Variants in PPP1R9A observed in about 807,000 individuals in gnomAD.
The protein encoded by PPP1R9A is neurabin-1.
A neutral mutation model predicts 141.9 loss-of-function variants in PPP1R9A; 59 were observed. The ratio of observed to expected loss-of-function variants is 0.42; its 90% CI spans 0.34 to 0.52. The LOEUF (loss-of-function observed/expected upper bound fraction) is 0.52, where lower values mean the gene tolerates loss of function less well. Among genes scored for constraint, PPP1R9A ranks in the 20% least tolerant of loss-of-function variants. The pLI, the probability that PPP1R9A is intolerant of heterozygous loss-of-function variation, is 0.10. For synonymous variants in PPP1R9A, 500 were observed against 569.7 expected, an observed-to-expected ratio of 0.88 and a Z score of 1.74; for missense variants, 1,444 against 1,611.9, an observed-to-expected ratio of 0.90 and a Z score of 1.78.
At chr7:94,919,534 C>A (rs1792524559) in intron 2 of PPP1R9A, among the ~76,000 whole-genome samples, 2 of 152,014 alleles carry the variant, frequency 1.3e-5, no homozygotes, top group South Asian at 4.2e-4. Context: ...AATCCTGTTC[C>A]TTTTCTAATA....
intron 4 of PPP1R9A, among the ~76,000 whole-genome samples, chr7:95,157,263 C>T (rs574625701): frequency 6.6e-6 from 1 of 152,186 alleles, no homozygotes; most frequent in African/African-American, 2.4e-5. Flanking sequence ...CCCTCTCCCC[C>T]CCCAGAGTGC....
chr7:95,278,527 T>C (rs1345100276), intron 16 of PPP1R9A, among the ~76,000 whole-genome samples: 1 of 152,136 alleles, frequency 6.6e-6, no homozygotes, highest in African/African-American at 2.4e-5. Flanking sequence ...TAGGATTCCA[T>C]GAAAAACAAA....
At chr7:95,012,923 A>G (rs1017391247) in intron 2 of PPP1R9A, among the ~76,000 whole-genome samples, 2 of 152,156 alleles carry the variant, frequency 1.3e-5, no homozygotes, top group African/African-American at 4.8e-5. Flanking sequence ...ATTATTGTAA[A>G]GAGGGGATTA....
intron 2 of PPP1R9A, among the ~76,000 whole-genome samples, chr7:94,999,812 T>G (rs1257707950): frequency 2.4e-4 from 37 of 151,678 alleles, no homozygotes; most frequent in African/African-American, 2.4e-5. Context: ...TTTATTTATT[T>G]ATTTATTTAG....
chr7:95,043,028 A>G (rs1809485563), intron 2 of PPP1R9A, among the ~76,000 whole-genome samples: 1 of 152,220 alleles, frequency 6.6e-6, no homozygotes, highest in Non-Finnish European at 1.5e-5. Context: ...TAAGATACAT[A>G]TGGAAAATTT....
chr7:95,084,614 T>C (rs1816355361), intron 2 of PPP1R9A, among the ~76,000 whole-genome samples: 1 of 152,000 alleles, frequency 6.6e-6, no homozygotes. Context: ...TTGAATTTGG[T>C]GCTTTTAGTT....
At chr7:95,233,128 A>G (rs778010629) in intron 8 of PPP1R9A, among the ~76,000 whole-genome samples, 11 of 152,224 alleles carry the variant, frequency 7.2e-5, no homozygotes, top group Non-Finnish European at 1.5e-4. Context: ...CCAAATGCCC[A>G]TCATTGATAG....
intron 5 of PPP1R9A, among the ~76,000 whole-genome samples, chr7:95,171,797 A>G (rs1032498092): frequency 6.6e-6 from 1 of 151,676 alleles, no homozygotes; most frequent in Non-Finnish European, 1.5e-5. Flanking sequence ...AAGATGGTAT[A>G]CTTCTCAACT....
At chr7:95,173,716 A>C (rs1307863381) in intron 5 of PPP1R9A, among the ~76,000 whole-genome samples, 2 of 152,050 alleles carry the variant, frequency 1.3e-5, no homozygotes, top group African/African-American at 2.4e-5. Context: ...AAATGTACAA[A>C]TCACTTAAAG....
chr7:95,072,927 G>A (rs1814187938), intron 2 of PPP1R9A, among the ~76,000 whole-genome samples: 2 of 118,504 alleles, frequency 1.7e-5, no homozygotes, highest in African/African-American at 6.5e-5. Context: ...ATTATATATT[G>A]CATATATATT....
At chr7:95,148,270 G>T (rs536572441) in intron 4 of PPP1R9A, among the ~76,000 whole-genome samples, 2 of 152,102 alleles carry the variant, frequency 1.3e-5, no homozygotes, top group African/African-American at 4.8e-5. Flanking sequence ...ACCAAAAGCT[G>T]GTTCTTAGCA....
intron 2 of PPP1R9A, among the ~76,000 whole-genome samples, chr7:94,958,768 C>A (rs1295651847): frequency 6.6e-6 from 1 of 151,878 alleles, no homozygotes; most frequent in Admixed American, 6.6e-5. Flanking sequence ...GGTAAAATCC[C>A]AGACTGTATA....
chr7:95,094,903 A>AAAAAAAAAAG (rs1817828995), intron 2 of PPP1R9A, among the ~76,000 whole-genome samples: 1 of 148,812 alleles, frequency 6.7e-6, no homozygotes, highest in Admixed American at 6.7e-5. Context: ...AAAAAAAAAA[A>AAAAAAAAAAG]AAGGAACAAA....
chr7:95,197,868 C>T (rs777686882), intron 5 of PPP1R9A, among the ~76,000 whole-genome samples: 24 of 150,890 alleles, frequency 1.6e-4, no homozygotes, highest in East Asian at 6.9e-4. Context: ...AGGCTGCTCT[C>T]GAACTCCGGG....
chr7:95,030,649 A>G (rs1807538863), intron 2 of PPP1R9A, among the ~76,000 whole-genome samples: 1 of 152,164 alleles, frequency 6.6e-6, no homozygotes, highest in Non-Finnish European at 1.5e-5. Flanking sequence ...CAACAAAGAA[A>G]AAAGAGGTGG....
chr7:95,256,477 A>G (rs1441504280), intron 12 of PPP1R9A, among the ~76,000 whole-genome samples: 1 of 152,148 alleles, frequency 6.6e-6, no homozygotes, highest in African/African-American at 2.4e-5. Flanking sequence ...CCATAACTTG[A>G]TATTGTGAGG....
At chr7:94,967,338 T>A (rs1469044849) in intron 2 of PPP1R9A, among the ~76,000 whole-genome samples, 1 of 152,156 alleles carries the variant, frequency 6.6e-6, no homozygotes, top group Non-Finnish European at 1.5e-5. Context: ...TGATCTTAGG[T>A]ATTTCTTGTC....
intron 14 of PPP1R9A, among the ~76,000 whole-genome samples, chr7:95,272,855 C>T (rs1045306277): frequency 6.6e-6 from 1 of 152,128 alleles, no homozygotes; most frequent in Non-Finnish European, 1.5e-5. Flanking sequence ...AAATTTAAAA[C>T]ACATTTTAAA....
chr7:95,286,829 A>C (rs1431335439), intron 18 of PPP1R9A, among the ~76,000 whole-genome samples: 2 of 152,180 alleles, frequency 1.3e-5, no homozygotes, highest in Non-Finnish European at 2.9e-5. Context: ...TGTGTACAAG[A>C]GAGTCAGGAA....
Sources: gnomAD v4.1 joint callset for allele counts (sites outside exome capture counted in the v4.1 genomes callset) on GRCh38, gnomAD v4.1.1 for gene constraint, MANE v1.5 for transcripts, NCBI Gene and HGNC (gene_info 2026-07-23, HGNC 2026-07-21) for gene names.